The following SCLY variants were observed in gnomAD, a reference collection of about 807,000 sequenced individuals.
SCLY encodes the protein selenocysteine lyase.
In SCLY, 38 loss-of-function variants were observed where a neutral mutation model predicts 50.1. That is an observed-to-expected ratio of 0.76 (90% CI 0.59 to 0.99). The LOEUF (loss-of-function observed/expected upper bound fraction) is 0.99, where lower values mean the gene tolerates loss of function less well. SCLY is among the 50% of genes least tolerant of loss of function. The pLI is 0.00. For synonymous variants in SCLY, 243 were observed against 249.4 expected (o/e 0.97, Z 0.24); for missense variants, 600 against 620.0 (o/e 0.97, Z 0.34).
At chr2:238,078,619 T>C (rs2065198135) in intron 4 of SCLY, 1 of 152,140 alleles carries the variant, frequency 6.6e-6, no homozygotes, top group Non-Finnish European at 1.5e-5. Flanking sequence ...TTCCTTCTTC[T>C]TTTTTGTGCT....
At chr2:238,068,840 G>C (rs997793124) in intron 3 of SCLY, among the ~76,000 whole-genome samples, 1 of 152,156 alleles carries the variant, frequency 6.6e-6, no homozygotes, top group African/African-American at 2.4e-5. Flanking sequence ...GTTTCACTGT[G>C]AATGTAGCTG....
In SCLY at chr2:238,098,633, G is replaced by GGACCGCCCACATAGAACCGTCCACATA. The variant is rs1559254767; in HGVS notation, c.*279_*280insACCGCCCACATAGAACCGTCCACATAG. Reference sequence around the variant, plus strand: ...ACCGCCCACATGGGACCGCCCACATGGGACCGCCCACATGGGACCGCCCAC... The same window carrying GGACCGCCCACATAGAACCGTCCACATA: ...ACCGCCCACATGGGACCGCCCACATGGACCGCCCACATAGAACCGTCCACATAGGACCGCCCACATGGGACCGCCCAC... On this transcript the variant is annotated 3_prime_UTR_variant, in exon 12 of 12. Transcript: ENST00000254663. 4.5e-6 allele frequency: 1 copy of GGACCGCCCACATAGAACCGTCCACATA among 223,764 alleles called. No homozygotes were observed. Among genetic ancestry groups the GGACCGCCCACATAGAACCGTCCACATA allele is most frequent in the African/African-American group, 4.0e-5 (1 of 24,692 alleles). The allele number at this position is 223,764 out of a possible 1,614,324, so 13.9% of individuals were successfully genotyped here.
In SCLY at chr2:238,083,472, A is replaced by G; in HGVS notation, c.884+118A>G. The G allele has an allele frequency of 2.7e-6, 2 of 744,404 alleles. No individual in the cohort carries two copies. Among genetic ancestry groups the G allele is most frequent in the Non-Finnish European group, 4.8e-6 (2 of 420,068 alleles). The allele number at this position is 744,404 out of a possible 1,614,324, so 46.1% of individuals were successfully genotyped here. On this transcript the variant is annotated intron_variant, in intron 7 of 11. Transcript: ENST00000254663. The surrounding 1 kb of genome is among the most constrained non-coding windows in gnomAD (Gnocchi z 4.3). ...CTCGTGGAGGCTCTGTAGCATGTCC[A>G]CACTGCTGCTGTGTCAGAACTGGCT...
At chr2:238,078,547 C>T (rs2065197033) in intron 4 of SCLY, 1 of 152,034 alleles carries the variant, frequency 6.6e-6, no homozygotes, top group African/African-American at 2.4e-5. Flanking sequence ...CCAGTATATA[C>T]TTCAAATTTA....
chr2:238,075,125 G>A (rs72983136), intron 4 of SCLY, among the ~76,000 whole-genome samples: 9,858 of 152,134 alleles, frequency 0.065, 331 homozygotes, highest in African/African-American at 0.087. Flanking sequence ...CATGAAAGGG[G>A]TGTTGGATTT....
chr2:238,062,458 G>A (rs1021856339), intron 1 of SCLY, among the ~76,000 whole-genome samples: 3 of 151,526 alleles, frequency 2.0e-5, no homozygotes, highest in Non-Finnish European at 4.4e-5. Context: ...CACCCAGGCT[G>A]GAGTGCAGTG....
intron 4 of SCLY, among the ~76,000 whole-genome samples, chr2:238,077,663 AAG>A (rs1279762293): frequency 6.6e-6 from 1 of 152,210 alleles, no homozygotes; most frequent in Admixed American, 6.5e-5. Context: ...GACTAAATAC[AAG>A]ATAAGAAAGG....
Position 238,068,071 on chromosome 2 carries a change from A to T in SCLY, c.209A>T (p.Lys70Met), listed in dbSNP as rs184779621. The change falls in exon 3 of 12, where the codon AAG (lysine) becomes ATG (methionine). Residue 70 changes from lysine (K) to methionine (M), a missense_variant. By Grantham distance (95) the Lys-to-Met change is moderately conservative. Coordinates refer to ENST00000254663, the MANE Select transcript of SCLY (RefSeq NM_016510.7). The part of the protein sequence containing the change: ...NPSSPYSAGR[K>M]AKDIINAARE... ...TCCTTTTTGGTCCCTCAAGGAAGAAAGGCCAAGGATATTATAAATGCAGCT... is the reference window on the plus strand; with the variant it reads ...TCCTTTTTGGTCCCTCAAGGAAGAATGGCCAAGGATATTATAAATGCAGCT... 2 of 1,608,982 alleles carry T rather than the reference A, an allele frequency of 1.2e-6. No homozygotes were observed. Among genetic ancestry groups the T allele is most frequent in the South Asian group, 2.2e-5 (2 of 89,866 alleles).
At chr2:238,094,276 C>G in intron 9 of SCLY, 144 bp from the exon 10 acceptor site, 1 of 721,670 alleles carries the variant, frequency 1.4e-6, no homozygotes. Context: ...TTCCATAGTC[C>G]GTCCCCGTAA....
chr2:238,091,547 C>G, intron 8 of SCLY: 1 of 412,436 alleles, frequency 2.4e-6, no homozygotes. Context: ...GCTGCAGGTT[C>G]ACCATTCCCA....
At chr2:238,070,789 A>G (rs1380106230) in intron 4 of SCLY, among the ~76,000 whole-genome samples, 1 of 152,108 alleles carries the variant, frequency 6.6e-6, no homozygotes, top group East Asian at 1.9e-4. Flanking sequence ...TGCCACTTAA[A>G]AAAATCTAAT....
rs958083351 is a variant in SCLY at position 238,067,432 on chromosome 2, C to G, written c.203-633C>G. On this transcript the variant is annotated intron_variant, in intron 2 of 11. Coordinates refer to ENST00000254663, the MANE Select transcript of SCLY (RefSeq NM_016510.7). The surrounding 1 kb of genome is among the most constrained non-coding windows in gnomAD (Gnocchi z 4.3). ...CTGGTGTGTACACTAAGAATGGTCA[C>G]TGAAACTTTCGGCATTCCCATGCCA... Among the ~76,000 whole-genome samples the G allele has an allele frequency of 6.6e-6, 1 of 152,224 alleles. No individual in the cohort carries two copies. Among genetic ancestry groups the G allele is most frequent in the Non-Finnish European group, 1.5e-5 (1 of 68,042 alleles).
At chr2:238,061,550 C>T (rs930245012) in intron 1 of SCLY, among the ~76,000 whole-genome samples, 8 of 152,098 alleles carry the variant, frequency 5.3e-5, no homozygotes, top group African/African-American at 1.9e-4. Flanking sequence ...GATCACGGGG[C>T]GATGCAATTT....
At position 238,064,390 on chromosome 2, in the gene SCLY, C is replaced by G; in HGVS notation, c.123C>G (p.Pro41=). 2 of 1,610,378 alleles carry G rather than the reference C, an allele frequency of 1.2e-6. No homozygotes were observed. Among genetic ancestry groups the G allele is most frequent in the South Asian group, 1.1e-5 (1 of 90,242 alleles). Residue 41 remains proline, a synonymous_variant, in exon 2 of 12, where the codon CCC becomes CCG. Coordinates refer to ENST00000254663, the MANE Select transcript of SCLY (RefSeq NM_016510.7). ...ATATGGACTATAATGCAACGACTCC[C>G]CTGGAGCCAGAAGTTATCCAGGCCA... ...KVYMDYNATT[P]LEPEVIQAMT...
intron 7 of SCLY, among the ~76,000 whole-genome samples, chr2:238,090,339 C>T (rs1049221170): frequency 1.3e-5 from 2 of 152,154 alleles, no homozygotes; most frequent in African/African-American, 2.4e-5. Context: ...TTTAAGAAAA[C>T]TTTGTTCAGG....
intron 1 of SCLY, among the ~76,000 whole-genome samples, chr2:238,063,277 G>T (rs913101679): frequency 6.6e-6 from 1 of 150,512 alleles, no homozygotes; most frequent in African/African-American, 2.4e-5. Context: ...TTTTGAGACG[G>T]ACTCTCACTC....
At position 238,098,536 on chromosome 2, in the gene SCLY, A is replaced by G. The variant is rs1691299548; in HGVS notation, c.*181A>G. ...CCTTCCCTGGACCCCTGCAGAGCTC[A>G]CAGGGCCCAGGACACCAACGCCGCA... On this transcript the variant is annotated 3_prime_UTR_variant, in exon 12 of 12. Transcript: ENST00000254663. 1.6e-6 allele frequency: 1 copy of G among 617,260 alleles called. No homozygotes were observed. The highest frequency in any genetic ancestry group is 2.4e-6 in the Non-Finnish European group (1 of 412,318). 38.2% of individuals were successfully genotyped at this position (617,260 alleles called of 1,614,324 possible).
At chr2:238,079,612 G>A (rs2065214261) in intron 4 of SCLY, 1 of 152,068 alleles carries the variant, frequency 6.6e-6, no homozygotes, top group Admixed American at 6.6e-5. Context: ...TTATACAGTT[G>A]CTTTTAAATC....
In SCLY at chr2:238,067,675, G is replaced by T. The variant is rs1038876112; in HGVS notation, c.203-390G>T. On this transcript the variant is annotated intron_variant, in intron 2 of 11. Transcript: ENST00000254663. The surrounding 1 kb of genome is among the most constrained non-coding windows in gnomAD (Gnocchi z 4.3). ...AGTTCTGTTTTTGCTTATTTTTGTTGTTTGCAACTCATTCCATCCTTTCAT... is the reference window on the plus strand; with the variant it reads ...AGTTCTGTTTTTGCTTATTTTTGTTTTTTGCAACTCATTCCATCCTTTCAT... Among the ~76,000 whole-genome samples the T allele has an allele frequency of 6.6e-6, 1 of 152,204 alleles. No individual in the cohort carries two copies. The highest frequency in any genetic ancestry group is 1.5e-5 in the Non-Finnish European group (1 of 68,038).
Sources: gnomAD v4.1 joint callset for allele counts (sites outside exome capture counted in the v4.1 genomes callset) on GRCh38, gnomAD v4.1.1 for gene constraint, Gnocchi (gnomAD v3.1) non-coding constraint, MANE v1.5 for transcripts, NCBI Gene and HGNC (gene_info 2026-07-23, HGNC 2026-07-21) for gene names.